NXPE2: variants seen among roughly 807,000 people sequenced by gnomAD.
NXPE2 encodes the protein NXPE family member 2.
A neutral mutation model predicts 34.4 loss-of-function variants in NXPE2; 34 were observed. The ratio of observed to expected loss-of-function variants is 0.99; its 90% CI spans 0.75 to 1.31. The LOEUF is 1.31. Among genes scored for constraint, NXPE2 ranks in the 40% most tolerant of loss-of-function variants. The probability of loss-of-function intolerance (pLI) is 0.00; values close to 1 mark genes in which losing one functional copy is unlikely to be tolerated. For missense variants in NXPE2, 649 were observed against 672.5 expected (o/e 0.97, Z 0.39); for synonymous variants, 235 against 231.3 (o/e 1.02, Z -0.15).
chr11:114,530,643 A>G, the NXPE2 span: 1 of 1,614,122 alleles, frequency 6.2e-7, no homozygotes. Flanking sequence ...CCTCACCTCC[A>G]GTAGGATGTC....
chr11:114,659,433 C>CA, the NXPE2 span, among the ~76,000 whole-genome samples: 20,759 of 146,796 alleles, frequency 0.14, 1,841 homozygotes, highest in South Asian at 0.2. Context: ...TTCTGTTAAA[C>CA]AAAAAAAAGA....
upstream of NXPE2, among the ~76,000 whole-genome samples, chr11:114,675,849 C>G (rs1950852676): frequency 6.6e-6 from 1 of 151,798 alleles, no homozygotes; most frequent in Non-Finnish European, 1.5e-5. Context: ...ATTTCAAAAT[C>G]TACTGCAAGC....
In NXPE2 at chr11:114,679,780, TA is replaced by T. The variant is rs1950918053; in HGVS notation, c.132+20del. On this transcript the variant is annotated intron_variant, in intron 2 of 5. Transcript: ENST00000389586. ...ACACAAAGGTAGGAAGTTTCATTTT[TA>T]AGAATTTCACAGAAGGTCACGGTGA... 1 of 1,478,532 alleles carries T rather than the reference TA, an allele frequency of 6.8e-7. No homozygotes were observed. Among genetic ancestry groups the T allele is most frequent in the South Asian group, 1.2e-5 (1 of 81,706 alleles). 91.6% of individuals were successfully genotyped at this position (1,478,532 alleles called of 1,614,324 possible).
the NXPE2 span, chr11:114,523,172 G>C: frequency 3.0e-6 from 3 of 1,010,144 alleles, no homozygotes; most frequent in African/African-American, 3.2e-5. Context: ...TCATTTTCTT[G>C]CTCTCTTTCC....
At chr11:114,766,995 A>G in the NXPE2 span, among the ~76,000 whole-genome samples, 3 of 151,606 alleles carry the variant, frequency 2.0e-5, no homozygotes, top group Non-Finnish European at 4.4e-5. Context: ...AAAAAAAAAT[A>G]TTTTTTCCTC....
chr11:114,636,858 T>C, the NXPE2 span, among the ~76,000 whole-genome samples: 1 of 152,132 alleles, frequency 6.6e-6, no homozygotes, highest in African/African-American at 2.4e-5. Context: ...TCTTTTACAT[T>C]TTCTGAGGAG....
At chr11:114,568,063 A>G in the NXPE2 span, among the ~76,000 whole-genome samples, 1 of 152,188 alleles carries the variant, frequency 6.6e-6, no homozygotes, top group Non-Finnish European at 1.5e-5. Context: ...TTTTCAGAAG[A>G]ACCATTAAGC....
the NXPE2 span, among the ~76,000 whole-genome samples, chr11:114,794,496 A>G: frequency 6.6e-6 from 1 of 152,166 alleles, no homozygotes; most frequent in Non-Finnish European, 1.5e-5. Context: ...GCAAGAAGCA[A>G]TAGAAACCAA....
chr11:114,774,658 C>T, the NXPE2 span, among the ~76,000 whole-genome samples: 1 of 152,204 alleles, frequency 6.6e-6, no homozygotes, highest in Admixed American at 6.5e-5. Flanking sequence ...GTCCTTGTCC[C>T]ACTGAAAGGT....
At chr11:114,666,350 C>T in the NXPE2 span, among the ~76,000 whole-genome samples, 2 of 152,100 alleles carry the variant, frequency 1.3e-5, no homozygotes, top group African/African-American at 2.4e-5. Context: ...AAAAGTCCCA[C>T]AGATCCATAA....
the NXPE2 span, among the ~76,000 whole-genome samples, chr11:114,755,724 A>G: frequency 1.5e-5 from 2 of 131,944 alleles, no homozygotes; most frequent in South Asian, 5.6e-4. Context: ...ATCTCTGTCT[A>G]TCTCTTCACC....
the NXPE2 span, among the ~76,000 whole-genome samples, chr11:114,534,865 T>G: frequency 6.6e-6 from 1 of 152,184 alleles, no homozygotes; most frequent in Non-Finnish European, 1.5e-5. Context: ...CTGCAGGATA[T>G]TATCCAGGAG....
chr11:114,615,656 C>T, the NXPE2 span, among the ~76,000 whole-genome samples: 11 of 151,646 alleles, frequency 7.3e-5, no homozygotes, highest in Non-Finnish European at 1.6e-4. Flanking sequence ...AGGGTAACCA[C>T]TGTTACCCGA....
At chr11:114,657,095 A>AAAAC in the NXPE2 span, among the ~76,000 whole-genome samples, 1 of 152,176 alleles carries the variant, frequency 6.6e-6, no homozygotes, top group Non-Finnish European at 1.5e-5. Context: ...CTCCATCTCA[A>AAAAC]AAACAAACAA....
At chr11:114,533,780 C>T in the NXPE2 span, among the ~76,000 whole-genome samples, 9 of 152,330 alleles carry the variant, frequency 5.9e-5, no homozygotes, top group Middle Eastern at 0.014. Context: ...GTAAACAAAG[C>T]GGCCGGGAAG....
the NXPE2 span, among the ~76,000 whole-genome samples, chr11:114,775,661 C>T: frequency 6.6e-6 from 1 of 152,156 alleles, no homozygotes; most frequent in Non-Finnish European, 1.5e-5. Flanking sequence ...CTGAAAGCCT[C>T]CCTTCCTGTG....
chr11:114,582,658 T>A, the NXPE2 span: 32 of 1,614,178 alleles, frequency 2.0e-5, no homozygotes, highest in Non-Finnish European at 2.7e-5. Context: ...TCAGTCACCT[T>A]TCCTGAAGCA....
chr11:114,611,251 T>C, the NXPE2 span, among the ~76,000 whole-genome samples: 1 of 151,804 alleles, frequency 6.6e-6, no homozygotes, highest in Non-Finnish European at 1.5e-5. Flanking sequence ...TAATAGGTAT[T>C]GCTTCTAGGG....
At chr11:114,694,846 AT>A (rs34425998) in intron 2 of NXPE2, among the ~76,000 whole-genome samples, 8 of 151,306 alleles carry the variant, frequency 5.3e-5, no homozygotes, top group African/African-American at 1.5e-4. Flanking sequence ...CTTGTTTTGT[AT>A]TTTTTTTATT....
Sources: gnomAD v4.1 joint callset for allele counts (sites outside exome capture counted in the v4.1 genomes callset) on GRCh38, gnomAD v4.1.1 for gene constraint, MANE v1.5 for transcripts, NCBI Gene and HGNC (gene_info 2026-07-23, HGNC 2026-07-21) for gene names.